Variants in P2RX5 observed in about 807,000 individuals in gnomAD.
P2RX5 encodes purinergic receptor P2X 5.
Under a neutral mutation model 54.1 loss-of-function variants are expected in P2RX5, and 46 were observed. The observed-to-expected ratio is 0.85, with a 90% CI of 0.67 to 1.09. The LOEUF (loss-of-function observed/expected upper bound fraction) is 1.09. Ranked by LOEUF, P2RX5 falls within the 50% of genes least tolerant of loss-of-function variation. P2RX5 has a pLI of 0.00. For missense variants in P2RX5, 566 were observed against 549.8 expected, an observed-to-expected ratio of 1.03 and a Z score of -0.29; for synonymous variants, 226 against 226.4, an observed-to-expected ratio of 1.00 and a Z score of 0.02.
At chr17:3,694,771 C>T (rs2143002016) in intron 1 of P2RX5, among the ~76,000 whole-genome samples, 1 of 152,354 alleles carries the variant, frequency 6.6e-6, no homozygotes, top group Non-Finnish European at 1.5e-5. Context: ...GCTGCTGGGG[C>T]CCCACCCTCA....
the P2RX5 span, among the ~76,000 whole-genome samples, chr17:3,702,585 C>T: frequency 1.8e-4 from 28 of 152,302 alleles, no homozygotes; most frequent in African/African-American, 6.3e-4. Flanking sequence ...ACACTCACTG[C>T]GAAGGTCTGA....
rs200015059 is a variant in P2RX5 at position 3,695,959 on chromosome 17, T to C, written c.47A>G (p.Tyr16Cys). 1.0e-4 allele frequency: 167 copies of C among 1,613,950 alleles called. 1 individual carries two copies. The highest frequency in any genetic ancestry group is 1.6e-4 in the Middle Eastern group (1 of 6,084). The change falls in exon 1 of 12, where the codon TAC becomes TGC. Residue 16 changes from tyrosine to cysteine, a missense_variant. By Grantham distance (194) the Tyr-to-Cys change is radical. Coordinates refer to ENST00000225328, the MANE Select transcript of P2RX5 (RefSeq NM_002561.4). Reference protein sequence around the residue: ...CKGLCLSLFDYKTEKYVIAKN... With the variant: ...CKGLCLSLFDCKTEKYVIAKN... ...GGCGATGACATACTTCTCGGTCTTG[T>C]AGTCGAACAGCGACAGGCAGAGCCC... is the stretch of plus-strand genomic sequence containing the variant.
rs768266107 is a variant in P2RX5 at position 3,691,651 on chromosome 17, G to C, written c.281C>G (p.Pro94Arg). The C allele has an allele frequency of 2.0e-5, 32 of 1,614,084 alleles. No individual in the cohort carries two copies. The highest frequency in any genetic ancestry group is 2.6e-5 in the Non-Finnish European group (31 of 1,180,058). The change falls in exon 2 of 12, where the codon CCA (proline) becomes CGA (arginine). Residue 94 changes from proline to arginine, a missense_variant. Transcript: ENST00000225328. ...CTAGGTGGGGACTCAGACCTGGGCT[G>C]GAATGACGTAGTCGGCGACATCCCA... ...RIWDVADYVI[P>R]AQGENVFFVV...
At chr17:3,713,055 C>G in the P2RX5 span, among the ~76,000 whole-genome samples, 2 of 152,158 alleles carry the variant, frequency 1.3e-5, no homozygotes, top group African/African-American at 2.4e-5. Context: ...GGTATTTTCA[C>G]ACAGTAGCAA....
In P2RX5 at chr17:3,690,985, G is replaced by T. The variant is rs1460065683; in HGVS notation, c.331C>A (p.Pro111Thr). ...FFVVTNLIVT[P>T]NQRQNVCAEN... The stretch of plus-strand genomic sequence containing the variant: ...GCACAGACGTTCTGCCGCTGGTTGG[G>T]GGTCACAATCAGGTTGGTGACCACA... Residue 111 changes from proline to threonine, a missense_variant, in exon 3 of 12, where the codon CCC becomes ACC. Coordinates refer to ENST00000225328, the MANE Select transcript of P2RX5 (RefSeq NM_002561.4). 1.2e-6 allele frequency: 2 copies of T among 1,612,976 alleles called. No homozygotes were observed. Among genetic ancestry groups the T allele is most frequent in the African/African-American group, 1.3e-5 (1 of 74,912 alleles).
intron 9 of P2RX5, among the ~76,000 whole-genome samples, chr17:3,683,960 C>T (rs182948049): frequency 1.3e-5 from 2 of 152,310 alleles, no homozygotes; most frequent in East Asian, 3.9e-4. Context: ...GTGGGGCTGT[C>T]TTGTGTGCAC....
intron 9 of P2RX5, chr17:3,685,657 T>TCCCCCCCCCCCCCCCCCCCCCG (rs543421315): frequency 1.3e-5 from 1 of 75,844 alleles, no homozygotes; most frequent in Non-Finnish European, 2.9e-5. Context: ...AGCGTCCCCC[T>TCCCCCCCCCCCCCCCCCCCCCG]CCCAGCCTGA....
chr17:3,701,690 G>C, the P2RX5 span, among the ~76,000 whole-genome samples: 1 of 45,334 alleles, frequency 2.2e-5, no homozygotes. Context: ...GTGAAACTCT[G>C]TCTCAGAAAA....
At chr17:3,712,979 A>T in the P2RX5 span, among the ~76,000 whole-genome samples, 2 of 152,156 alleles carry the variant, frequency 1.3e-5, no homozygotes, top group Non-Finnish European at 2.9e-5. Context: ...AAATGGCCAG[A>T]TAAGATAAAC....
At chr17:3,677,634 G>A (rs1021349308) in intron 11 of P2RX5, 16 of 985,280 alleles carry the variant, frequency 1.6e-5, no homozygotes, top group East Asian at 1.1e-4. Flanking sequence ...GGGCCTGGCT[G>A]TGATGTCTCT....
chr17:3,692,774 C>T (rs955358867), intron 1 of P2RX5, among the ~76,000 whole-genome samples: 2 of 151,952 alleles, frequency 1.3e-5, no homozygotes, highest in African/African-American at 4.8e-5. Context: ...CCTGGGAGGT[C>T]GAGGCTGCAG....
chr17:3,716,729 C>T, the P2RX5 span: 1 of 1,611,642 alleles, frequency 6.2e-7, no homozygotes, highest in Non-Finnish European at 8.5e-7. Flanking sequence ...ACCAGAAGTC[C>T]ACCAACGCTG....
intron 5 of P2RX5, 107 bp downstream of exon 5, chr17:3,690,320 C>T (rs1597267982): frequency 8.8e-7 from 1 of 1,135,850 alleles, no homozygotes; most frequent in South Asian, 1.3e-5. Flanking sequence ...AGCCTGACTC[C>T]TCCCTCAGCG....
intron 11 of P2RX5, chr17:3,675,567 T>G: frequency 1.0e-6 from 1 of 984,812 alleles, no homozygotes; most frequent in Non-Finnish European, 1.2e-6. Context: ...TCTTTTTTTT[T>G]TTTTGAGACT....
intron 1 of P2RX5, among the ~76,000 whole-genome samples, chr17:3,694,831 G>A (rs2050712173): frequency 6.6e-6 from 1 of 152,206 alleles, no homozygotes; most frequent in Non-Finnish European, 1.5e-5. Context: ...CCCCAAATAA[G>A]CCCAATAATT....
the P2RX5 span, among the ~76,000 whole-genome samples, chr17:3,707,842 A>G: frequency 6.6e-6 from 1 of 152,020 alleles, no homozygotes; most frequent in Non-Finnish European, 1.5e-5. Context: ...GTGGATCACG[A>G]GGTCAGGAGA....
chr17:3,690,986 G>A lies in P2RX5; in HGVS notation c.330C>T (p.Thr110=), dbSNP rs549872669. The part of the protein sequence containing the change: ...VFFVVTNLIV[T]PNQRQNVCAE... ...CACAGACGTTCTGCCGCTGGTTGGG[G>A]GTCACAATCAGGTTGGTGACCACAA... Residue 110 remains threonine, a synonymous_variant, in exon 3 of 12, where the codon ACC becomes ACT. Coordinates refer to ENST00000225328, the MANE Select transcript of P2RX5 (RefSeq NM_002561.4). 6.2e-7 allele frequency: 1 copy of A among 1,613,096 alleles called. No individual in the cohort carries two copies. The highest frequency in any genetic ancestry group is 1.1e-5 in the South Asian group (1 of 90,976).
chr17:3,689,720 A>G, intron 6 of P2RX5, 90 bp from the exon 7 acceptor site: 3 of 1,537,110 alleles, frequency 2.0e-6, no homozygotes, highest in Non-Finnish European at 2.7e-6. Context: ...CACCAACCTG[A>G]GTGCTGACAG....
chr17:3,675,226 G>T, intron 11 of P2RX5: 1 of 335,720 alleles, frequency 3.0e-6, no homozygotes, highest in Non-Finnish European at 4.2e-6. Flanking sequence ...TTTTAGTAGA[G>T]ACAGGGTTTC....
Sources: gnomAD v4.1 joint callset for allele counts (sites outside exome capture counted in the v4.1 genomes callset) on GRCh38, gnomAD v4.1.1 for gene constraint, MANE v1.5 for transcripts, NCBI Gene and HGNC (gene_info 2026-07-23, HGNC 2026-07-21) for gene names.